The following PI4KB variants were observed in gnomAD, a reference collection of about 807,000 sequenced individuals.
The protein encoded by PI4KB is PtdIns 4-kinase beta.
A neutral mutation model predicts 81.4 loss-of-function variants in PI4KB; 23 were observed. The ratio of observed to expected loss-of-function variants is 0.28; its 90% CI spans 0.20 to 0.40. The LOEUF is 0.40. Among genes scored for constraint, PI4KB ranks in the 10% least tolerant of loss-of-function variants. PI4KB has a pLI of 1.00. For missense variants in PI4KB, 651 were observed against 1,036.6 expected, an observed-to-expected ratio of 0.63 and a Z score of 5.11; for synonymous variants, 381 against 406.8, an observed-to-expected ratio of 0.94 and a Z score of 0.76.
intron 11 of PI4KB, 73 bp from the exon 12 acceptor site, chr1:151,293,106 G>T: frequency 6.4e-7 from 1 of 1,566,644 alleles, no homozygotes; most frequent in Non-Finnish European, 8.7e-7. Flanking sequence ...AGCAAATACA[G>T]AGCTGGGGCA....
At chr1:151,301,805 T>C (rs1448045363) in intron 8 of PI4KB, 39 bp downstream of exon 8, 1 of 1,604,862 alleles carries the variant, frequency 6.2e-7, no homozygotes, top group South Asian at 1.1e-5. Context: ...GTGCTGGGAT[T>C]ACAGCCACTG....
At chr1:151,294,288 T>C (rs1694606320) in intron 10 of PI4KB, 121 bp downstream of exon 10, 2 of 1,457,636 alleles carry the variant, frequency 1.4e-6, no homozygotes, top group African/African-American at 1.4e-5. Flanking sequence ...AACTCCTGCC[T>C]CACCCCTAAT....
intron 11 of PI4KB, chr1:151,293,738 T>C: frequency 2.6e-6 from 1 of 381,420 alleles, no homozygotes; most frequent in Non-Finnish European, 4.8e-6. Context: ...GGTGGGGAGG[T>C]GAGAAGGGAC....
chr1:151,297,320 T>A (rs185309507), intron 9 of PI4KB, among the ~76,000 whole-genome samples: 33 of 151,636 alleles, frequency 2.2e-4, no homozygotes, highest in Non-Finnish European at 4.0e-4. Flanking sequence ...GCTCAAGCGA[T>A]CCTCCTGCCT....
intron 11 of PI4KB, chr1:151,293,360 C>G: frequency 1.5e-6 from 2 of 1,339,720 alleles, no homozygotes; most frequent in Non-Finnish European, 2.0e-6. Flanking sequence ...GGGCACTTAT[C>G]TGGTTGCAGA....
chr1:151,294,204 T>G, intron 10 of PI4KB, 66 bp from the exon 11 acceptor site: 3 of 1,560,302 alleles, frequency 1.9e-6, no homozygotes, highest in Non-Finnish European at 2.6e-6. Flanking sequence ...CTGTCCTGAC[T>G]GGCCTACCAG....
chr1:151,320,806 A>G (rs906100164), intron 1 of PI4KB, among the ~76,000 whole-genome samples: 2 of 152,134 alleles, frequency 1.3e-5, no homozygotes, highest in Non-Finnish European at 2.9e-5. Context: ...TAAACAATCA[A>G]CTTCTTTTTC....
intron 8 of PI4KB, among the ~76,000 whole-genome samples, chr1:151,299,526 C>T (rs911443710): frequency 6.6e-6 from 1 of 151,952 alleles, no homozygotes; most frequent in Non-Finnish European, 1.5e-5. Context: ...CTCGTCTTTA[C>T]TAAAAATACA....
At chr1:151,323,983 G>A (rs569616374) in intron 1 of PI4KB, among the ~76,000 whole-genome samples, 75 of 150,644 alleles carry the variant, frequency 5.0e-4, no homozygotes, top group Admixed American at 2.9e-3. Context: ...ATGGAGTCTC[G>A]CTCTGTTACC....
At chr1:151,324,589 C>T (rs1004819034) in intron 1 of PI4KB, among the ~76,000 whole-genome samples, 43 of 152,064 alleles carry the variant, frequency 2.8e-4, no homozygotes, top group African/African-American at 9.7e-4. Context: ...GTAGGGAGGG[C>T]AGTGGTCTCA....
rs777318720 is a variant in PI4KB, at chr1:151,292,961, G to A, written c.2342C>T (p.Thr781Ile). The A allele has an allele frequency of 1.9e-6, 3 of 1,614,166 alleles. No individual in the cohort carries two copies. The South Asian group carries it at 3.3e-5, about 18-fold the overall frequency. Reference protein sequence around the residue: ...NLKERFHMSMTEEQLQLLVEQ... With the variant: ...NLKERFHMSMIEEQLQLLVEQ... The stretch of plus-strand genomic sequence containing the variant: ...CACCAGCAGCTGCAGCTGCTCCTCA[G>A]TCATGCTCATGTGGAACCTCTCTTT... The change falls in exon 12 of 12, where the codon ACT becomes ATT. Residue 781 changes from threonine to isoleucine, a missense_variant. By Grantham distance (89) the Thr-to-Ile change is moderately conservative (BLOSUM62 -1). Coordinates refer to ENST00000368873, the MANE Select transcript of PI4KB (RefSeq NM_001369623.2).
chr1:151,315,681 G>C lies in PI4KB; in HGVS notation c.801C>G (p.Pro267=). 1.2e-6 allele frequency: 2 copies of C among 1,614,058 alleles called. No individual in the cohort carries two copies. The highest frequency in any genetic ancestry group is 2.2e-5 in the South Asian group (2 of 91,072). Residue 267 remains proline, a synonymous_variant, in exon 2 of 12, where the codon CCC becomes CCG. Transcript: ENST00000368873. ...TAGAGCGCTGGTGAGTCCTTTTGGA[G>C]GGAGACAGCCCTGTGTCAGGGGCCG... ...LSPAPDTGLS[P]SKRTHQRSKS...
intron 2 of PI4KB, 40 bp from the exon 3 acceptor site, chr1:151,310,295 G>T: frequency 2.5e-6 from 3 of 1,203,090 alleles, no homozygotes; most frequent in South Asian, 2.5e-5. Context: ...AGGAGGGGGT[G>T]GGAAGGGAGG....
rs1175904259 is a variant in PI4KB at position 151,327,328 on chromosome 1, C to A, written c.-86G>T. On this transcript the variant is annotated 5_prime_UTR_variant, in exon 1 of 12. Transcript: ENST00000368873. ...AGTCGCGGTTGGACTGCCGACACTG[C>A]CGCCTCAGCAGCAGCGACCGCTCCC... 2 of 396,926 alleles carry A rather than the reference C, an allele frequency of 5.0e-6. No individual in the cohort carries two copies. Among genetic ancestry groups the A allele is most frequent in the Non-Finnish European group, 8.9e-6 (2 of 225,480 alleles). 24.6% of individuals were successfully genotyped at this position (396,926 alleles called of 1,614,324 possible). A position where few individuals can be genotyped will look rare whatever the true frequency, so the allele number is the denominator to read the frequency against.
chr1:151,325,314 A>G (rs141024671), intron 1 of PI4KB, among the ~76,000 whole-genome samples: 179 of 152,188 alleles, frequency 1.2e-3, no homozygotes, highest in African/African-American at 3.9e-3. Context: ...AATAAGGGGA[A>G]TTATGAGGAG....
chr1:151,323,224 G>GC (rs1649098410), intron 1 of PI4KB, among the ~76,000 whole-genome samples: 1 of 152,192 alleles, frequency 6.6e-6, no homozygotes, highest in Non-Finnish European at 1.5e-5. Flanking sequence ...GGAACAAATG[G>GC]CCAGGTGCAG....
At chr1:151,318,630 T>A (rs932320138) in intron 1 of PI4KB, among the ~76,000 whole-genome samples, 3 of 152,052 alleles carry the variant, frequency 2.0e-5, no homozygotes, top group Non-Finnish European at 4.4e-5. Flanking sequence ...GAGAATCGCT[T>A]GAACCCGGGA....
chr1:151,315,283 G>A lies in PI4KB; in HGVS notation c.909+290C>T, dbSNP rs1003061520. 1.1e-4 allele frequency among the ~76,000 whole-genome samples: 17 copies of A among 152,272 alleles called. 3 individuals are homozygous for A. The highest frequency in any genetic ancestry group is 8.5e-4 in the Admixed American group (13 of 15,292). ...TGAGCCACCGCGCCTGGCCAGTGCA[G>A]TTTAATAAAAATGATTTGGGACACA... On this transcript the variant is annotated intron_variant, in intron 2 of 11. Transcript: ENST00000368873.
At chr1:151,302,381 G>C in intron 6 of PI4KB, 83 bp from the exon 7 acceptor site, 1 of 946,378 alleles carries the variant, frequency 1.1e-6, no homozygotes, top group Non-Finnish European at 1.7e-6. Context: ...TTCCTGCACT[G>C]TCTCCTGGAT....
Sources: allele counts gnomAD v4.1 joint callset (sites outside exome capture counted in the v4.1 genomes callset), GRCh38; gene constraint gnomAD v4.1.1; transcripts MANE v1.5; gene names NCBI Gene and HGNC (gene_info 2026-07-23, HGNC 2026-07-21).